The following PTGDR2 variants were observed in gnomAD, a reference collection of about 807,000 sequenced individuals.
PTGDR2 encodes the protein prostaglandin D2 receptor 2, also known as G-protein coupled receptor 44.
For synonymous variants in PTGDR2, 276 were observed against 278.4 expected, an observed-to-expected ratio of 0.99 and a Z score of 0.09; for missense variants, 544 against 576.6, an observed-to-expected ratio of 0.94 and a Z score of 0.58.
intron 1 of PTGDR2, among the ~76,000 whole-genome samples, chr11:60,855,086 T>C (rs1855340000): frequency 6.6e-6 from 1 of 152,162 alleles, no homozygotes; most frequent in Non-Finnish European, 1.5e-5. Flanking sequence ...AGGAGCCCCT[T>C]GGAGCTAGAG....
At chr11:60,854,733 T>C (rs1855335036) in intron 1 of PTGDR2, among the ~76,000 whole-genome samples, 2 of 152,194 alleles carry the variant, frequency 1.3e-5, no homozygotes. Flanking sequence ...ATAGGTGCTG[T>C]CTTTCTGGCT....
intron 1 of PTGDR2, among the ~76,000 whole-genome samples, chr11:60,854,545 G>A (rs1269686439): frequency 6.6e-6 from 1 of 152,212 alleles, no homozygotes; most frequent in Non-Finnish European, 1.5e-5. Context: ...AGACGTGCAT[G>A]CTTACATCCT....
In PTGDR2 at chr11:60,852,230, C is replaced by T; in HGVS notation, c.*305G>A. 1 of 340,482 alleles carries T rather than the reference C, an allele frequency of 2.9e-6. No homozygotes were observed. The highest frequency in any genetic ancestry group is 5.3e-6 in the Non-Finnish European group (1 of 189,360). The allele number at this position is 340,482 out of a possible 1,614,324, so 21.1% of individuals were successfully genotyped here. ...CCAGGCCTCGCCTGTGAACCTGCCG[C>T]ACTGGCTTCTCGGCCTGGGAGCTTG... On this transcript the variant is annotated 3_prime_UTR_variant, in exon 2 of 2. Coordinates refer to ENST00000332539, the MANE Select transcript of PTGDR2 (RefSeq NM_004778.3).
At position 60,851,083 on chromosome 11, in the gene PTGDR2, C is replaced by G. The variant is rs1250064500; in HGVS notation, c.*1452G>C. ...AACATAATAAACAAGCAAAATGCAC[C>G]ACGTGTCCAATGGGGGAAGTGCTAT... On this transcript the variant is annotated 3_prime_UTR_variant, in exon 2 of 2. Coordinates refer to ENST00000332539, the MANE Select transcript of PTGDR2 (RefSeq NM_004778.3). The G allele has an allele frequency of 1.3e-5, 2 of 152,216 alleles. No individual in the cohort carries two copies. The highest frequency in any genetic ancestry group is 2.9e-5 in the Non-Finnish European group (2 of 68,072). 9.4% of individuals were successfully genotyped at this position (152,216 alleles called of 1,614,324 possible).
In PTGDR2 at chr11:60,853,539, G is replaced by C; in HGVS notation, c.184C>G (p.Arg62Gly). ...VILFVVGCRM[R>G]QTVVTTWVLH... Reference sequence around the variant, plus strand: ...ACCCAGGTGGTGACCACGGTCTGGCGCATGCGGCAGCCCACCACGAAGAGG... The same window carrying C: ...ACCCAGGTGGTGACCACGGTCTGGCCCATGCGGCAGCCCACCACGAAGAGG... The change falls in exon 2 of 2, where the codon CGC (arginine) becomes GGC (glycine). Residue 62 changes from arginine (R) to glycine (G), a missense_variant. Transcript: ENST00000332539. 6.4e-7 allele frequency: 1 copy of C among 1,556,128 alleles called. No individual in the cohort carries two copies. The highest frequency in any genetic ancestry group is 8.7e-7 in the Non-Finnish European group (1 of 1,149,476).
chr11:60,852,293 G>A lies in PTGDR2; in HGVS notation c.*242C>T. On this transcript the variant is annotated 3_prime_UTR_variant, in exon 2 of 2. Coordinates refer to ENST00000332539, the MANE Select transcript of PTGDR2 (RefSeq NM_004778.3). ...TCTCAGTACCCGGCCCCGGCCTCCT[G>A]GATCAGACTGCACTTAACAAGACCC... 2.5e-6 allele frequency: 1 copy of A among 395,952 alleles called. No individual in the cohort carries two copies. The allele number at this position is 395,952 out of a possible 1,614,324, so 24.5% of individuals were successfully genotyped here. A position where few individuals can be genotyped will look rare whatever the true frequency, so the allele number is the denominator to read the frequency against.
In PTGDR2 at chr11:60,853,611, G is replaced by C. The variant is rs1188709002; in HGVS notation, c.112C>G (p.Leu38Val). Residue 38 changes from leucine to valine, a missense_variant, in exon 2 of 2, where the codon CTG becomes GTG. By Grantham distance (32) the Leu-to-Val change is conservative. Coordinates refer to ENST00000332539, the MANE Select transcript of PTGDR2 (RefSeq NM_004778.3). ...IRYIDHAAVL[L>V]HGLASLLGLV... ...CCCAGCAGCGAGGCCAGCCCGTGCA[G>C]CAGCACGGCCGCGTGGTCGATGTAG... The C allele has an allele frequency of 5.1e-6, 8 of 1,556,608 alleles. No individual in the cohort carries two copies. In the East Asian group the frequency reaches 7.2e-5, roughly 14 times the overall value.
chr11:60,853,829 A>C, intron 1 of PTGDR2, 98 bp from the exon 2 acceptor site: 3 of 844,988 alleles, frequency 3.6e-6, no homozygotes, highest in Non-Finnish European at 1.8e-6. Flanking sequence ...GGAGATGCCA[A>C]TGTGACCCAC....
intron 1 of PTGDR2, among the ~76,000 whole-genome samples, chr11:60,855,061 G>A (rs1477125126): frequency 6.6e-6 from 1 of 152,190 alleles, no homozygotes; most frequent in East Asian, 1.9e-4. Context: ...TATCAAACTA[G>A]AATTCTGCTG....
chr11:60,853,450 CAAG>C lies in PTGDR2; in HGVS notation c.270_272del (p.Phe90del), dbSNP rs1195431649. The C allele has an allele frequency of 6.4e-7, 1 of 1,569,930 alleles. No homozygotes were observed. The highest frequency in any genetic ancestry group is 1.4e-5 in the African/African-American group (1 of 74,004). ...CCAGCTCCCACGAGTGGCCCACGGC[CAAG>C]AAGTAGGTGAAGAAGGGCAGGGAAG... On this transcript the variant is annotated inframe_deletion, in exon 2 of 2. Coordinates refer to ENST00000332539, the MANE Select transcript of PTGDR2 (RefSeq NM_004778.3).
chr11:60,852,612 C>T lies in PTGDR2; in HGVS notation c.1111G>A (p.Gly371Ser). 1 of 1,312,790 alleles carries T rather than the reference C, an allele frequency of 7.6e-7. No homozygotes were observed. Among genetic ancestry groups the T allele is most frequent in the Non-Finnish European group, 9.7e-7 (1 of 1,030,178 alleles). 81.3% of individuals were successfully genotyped at this position (1,312,790 alleles called of 1,614,324 possible). ...EEPRGPARLL[G>S]WLLGSCAASP... The stretch of plus-strand genomic sequence containing the variant: ...GCTGCGCAGCTGCCCAGCAGCCAGC[C>T]GAGGAGACGCGCGGGGCCCCGCGGT... Residue 371 changes from glycine to serine, a missense_variant, in exon 2 of 2, where the codon GGC (glycine) becomes AGC (serine). Gly to Ser is a moderately conservative substitution (Grantham distance 56). Transcript: ENST00000332539.
chr11:60,852,741 C>T lies in PTGDR2; in HGVS notation c.982G>A (p.Val328Met). The T allele has an allele frequency of 1.1e-5, 17 of 1,492,882 alleles. No individual in the cohort carries two copies. The highest frequency in any genetic ancestry group is 1.5e-5 in the Non-Finnish European group (17 of 1,114,644). The allele number at this position is 1,492,882 out of a possible 1,614,324, so 92.5% of individuals were successfully genotyped here. ...SLRTVLESVL[V>M]DDSELGGAGS... The stretch of plus-strand genomic sequence containing the variant: ...GCGCCACCCAGCTCGCTGTCGTCCA[C>T]CAGCACGCTCTCCAGCACCGTGCGC... The change falls in exon 2 of 2, where the codon GTG (valine) becomes ATG (methionine). Residue 328 changes from valine to methionine, a missense_variant. By Grantham distance (21) the Val-to-Met change is conservative. Transcript: ENST00000332539.
In PTGDR2 at chr11:60,852,740, ACCAGCACGCTCT is replaced by A; in HGVS notation, c.971_982del (p.Glu324_Leu327del). The stretch of plus-strand genomic sequence containing the variant: ...CGCGCCACCCAGCTCGCTGTCGTCC[ACCAGCACGCTCT>A]CCAGCACCGTGCGCAGCGAGCGCCG... On this transcript the variant is annotated inframe_deletion, in exon 2 of 2. Transcript: ENST00000332539. 1 of 1,490,950 alleles carries A rather than the reference ACCAGCACGCTCT, an allele frequency of 6.7e-7. No individual in the cohort carries two copies. Among genetic ancestry groups the A allele is most frequent in the Non-Finnish European group, 9.0e-7 (1 of 1,113,358 alleles). 92.4% of individuals were successfully genotyped at this position (1,490,950 alleles called of 1,614,324 possible). A position where few individuals can be genotyped will look rare whatever the true frequency, so the allele number is the denominator to read the frequency against.
At chr11:60,853,962 C>G (rs1216186648) in intron 1 of PTGDR2, among the ~76,000 whole-genome samples, 1 of 152,214 alleles carries the variant, frequency 6.6e-6, no homozygotes, top group Non-Finnish European at 1.5e-5. Context: ...ATAACATCAC[C>G]TAGCTCATAG....
rs1855268434 is a variant in PTGDR2, at chr11:60,851,650, A to T, written c.*885T>A. On this transcript the variant is annotated 3_prime_UTR_variant, in exon 2 of 2. Transcript: ENST00000332539. ...TGCTGTGCCCATTCAACTTCTAACG[A>T]CCGAAGACTTTTAGTCATTTCCCCC... The T allele has an allele frequency of 6.6e-6, 1 of 152,118 alleles. No individual in the cohort carries two copies. The highest frequency in any genetic ancestry group is 6.5e-5 in the Admixed American group (1 of 15,282). 9.4% of individuals were successfully genotyped at this position (152,118 alleles called of 1,614,324 possible).
chr11:60,852,776 C>G lies in PTGDR2; in HGVS notation c.947G>C (p.Arg316Pro), dbSNP rs755638586. The change falls in exon 2 of 2, where the codon CGG (arginine) becomes CCG (proline). Residue 316 changes from arginine to proline, a missense_variant. Coordinates refer to ENST00000332539, the MANE Select transcript of PTGDR2 (RefSeq NM_004778.3). ...CTCCAGCACCGTGCGCAGCGAGCGC[C>G]GCAGCTTGCGCAGCATGTCGGGGCA... ...LTCPDMLRKL[R>P]RSLRTVLESV... 6.5e-7 allele frequency: 1 copy of G among 1,548,304 alleles called. No homozygotes were observed. The highest frequency in any genetic ancestry group is 1.2e-5 in the South Asian group (1 of 83,160).
In PTGDR2 at chr11:60,853,070, G is replaced by A. The variant is rs1421994075; in HGVS notation, c.653C>T (p.Pro218Leu). ...VSKFLLAFLV[P>L]LAIIASSHAA... ...GTGGCTCGAGGCGATGATCGCCAGC[G>A]GCACCAGGAAGGCCAGCAGGAACTT... Residue 218 changes from proline to leucine, a missense_variant, in exon 2 of 2, where the codon CCG (proline) becomes CTG (leucine). Transcript: ENST00000332539. 12 of 1,589,106 alleles carry A rather than the reference G, an allele frequency of 7.6e-6. No individual in the cohort carries two copies. Among genetic ancestry groups the A allele is most frequent in the Non-Finnish European group, 1.0e-5 (12 of 1,172,746 alleles).
At chr11:60,855,773 G>A (rs1330367586) in intron 1 of PTGDR2, 96 bp downstream of exon 1, 1 of 152,342 alleles carries the variant, frequency 6.6e-6, no homozygotes, top group Non-Finnish European at 1.5e-5. Flanking sequence ...TGCCATCCTA[G>A]CTGGTAACAG....
rs1855269250 is a variant in PTGDR2 at position 60,851,699 on chromosome 11, T to G, written c.*836A>C. ...CCATTGGATTTGATTAGCCCCAGGT[T>G]TCCCGAGTGCTTGACCACGCCATCC... is the stretch of plus-strand genomic sequence containing the variant. On this transcript the variant is annotated 3_prime_UTR_variant, in exon 2 of 2. Transcript: ENST00000332539. 6.6e-6 allele frequency: 1 copy of G among 152,270 alleles called. No individual in the cohort carries two copies. The allele number at this position is 152,270 out of a possible 1,614,324, so 9.4% of individuals were successfully genotyped here.
Sources: allele counts gnomAD v4.1 joint callset (sites outside exome capture counted in the v4.1 genomes callset), GRCh38; gene constraint gnomAD v4.1.1; transcripts MANE v1.5; gene names NCBI Gene and HGNC (gene_info 2026-07-23, HGNC 2026-07-21).